The following NR3C1 variants were observed in gnomAD, a reference collection of about 807,000 sequenced individuals.
NR3C1 encodes nuclear receptor subfamily 3 group C member 1, also known as glucocorticoid receptor.
A neutral mutation model predicts 74.0 loss-of-function variants in NR3C1; 14 were observed. The observed-to-expected ratio is 0.19, with a 90% CI of 0.12 to 0.30. The LOEUF is 0.30. NR3C1 is among the 10% of genes least tolerant of loss of function. The pLI is 1.00. For synonymous variants in NR3C1, 308 were observed against 332.5 expected (o/e 0.93, Z 0.80); for missense variants, 695 against 909.8 (o/e 0.76, Z 3.04).
intron 7 of NR3C1, among the ~76,000 whole-genome samples, chr5:143,290,764 C>T (rs1431333770): frequency 6.6e-6 from 1 of 151,842 alleles, no homozygotes; most frequent in African/African-American, 2.4e-5. Flanking sequence ...GGGGTTTCGC[C>T]ATGTTGGTCA....
chr5:143,331,069 G>GTTTA (rs1825844305), intron 2 of NR3C1, among the ~76,000 whole-genome samples: 2 of 152,182 alleles, frequency 1.3e-5, no homozygotes, highest in South Asian at 2.1e-4. Context: ...CAAGGCTAAA[G>GTTTA]TAACCAAAAC....
intron 2 of NR3C1, among the ~76,000 whole-genome samples, chr5:143,319,864 T>C (rs1050867929): frequency 2.0e-5 from 3 of 150,392 alleles, no homozygotes; most frequent in African/African-American, 7.3e-5. Context: ...ATGCAACAAC[T>C]GCACTACTGA....
chr5:143,361,499 T>TA (rs1291771204), intron 2 of NR3C1, among the ~76,000 whole-genome samples: 1 of 152,238 alleles, frequency 6.6e-6, no homozygotes, highest in East Asian at 1.9e-4. Context: ...ATAAGATGTG[T>TA]AATGCAAGCC....
chr5:143,376,623 A>C (rs1308182168), intron 2 of NR3C1, among the ~76,000 whole-genome samples: 3 of 152,176 alleles, frequency 2.0e-5, no homozygotes, highest in African/African-American at 7.2e-5. Flanking sequence ...ATTTATTGGC[A>C]TATTTGTTGT....
chr5:143,406,305 C>T (rs1307980405), upstream of NR3C1, among the ~76,000 whole-genome samples: 1 of 151,364 alleles, frequency 6.6e-6, no homozygotes, highest in Non-Finnish European at 1.5e-5. Flanking sequence ...TATGATTTCA[C>T]AAGAGTTCCC....
chr5:143,369,838 T>A (rs1038272515), intron 2 of NR3C1, among the ~76,000 whole-genome samples: 2 of 152,154 alleles, frequency 1.3e-5, no homozygotes, highest in African/African-American at 4.8e-5. Flanking sequence ...AGAAAATAAA[T>A]TAATATCATT....
At chr5:143,398,926 A>G (rs911745229) in intron 2 of NR3C1, among the ~76,000 whole-genome samples, 1 of 152,224 alleles carries the variant, frequency 6.6e-6, no homozygotes, top group Non-Finnish European at 1.5e-5. Context: ...GCCATCAGTT[A>G]TCTACTTGAG....
chr5:143,403,092 C>CCA, intron 1 of NR3C1, 119 bp downstream of exon 1: 1 of 812,502 alleles, frequency 1.2e-6, no homozygotes, highest in Non-Finnish European at 1.5e-6. Flanking sequence ...CCCCCACCCC[C>CCA]ACTCCCCGAG....
chr5:143,311,162 G>C lies in NR3C1; in HGVS notation c.1352-949C>G, dbSNP rs118064790. ...ATATCCTAGCTTCTTTACTTGGACA[G>C]AAAATGGAAGCACTAACCCAATTCT... On this transcript the variant is annotated intron_variant, in intron 3 of 8. Coordinates refer to ENST00000394464, the MANE Select transcript of NR3C1 (RefSeq NM_000176.3). Among the ~76,000 whole-genome samples, 155 of 152,274 alleles carry C rather than the reference G, an allele frequency of 1.0e-3. 3 individuals are homozygous for C. In the East Asian group the frequency reaches 0.022, roughly 22 times the overall value.
At chr5:143,421,716 C>T (rs1408160124) in intron 1 of NR3C1, among the ~76,000 whole-genome samples, 2 of 151,874 alleles carry the variant, frequency 1.3e-5, no homozygotes, top group Non-Finnish European at 1.5e-5. Context: ...CACTTGACCC[C>T]AGGAGGCAGA....
intron 2 of NR3C1, among the ~76,000 whole-genome samples, chr5:143,392,590 C>T (rs910127214): frequency 6.6e-6 from 1 of 151,932 alleles, no homozygotes; most frequent in African/African-American, 2.4e-5. Flanking sequence ...ATAACAGCTG[C>T]CTTCTGTGCT....
At chr5:143,360,568 G>T (rs921051204) in intron 2 of NR3C1, among the ~76,000 whole-genome samples, 1 of 152,176 alleles carries the variant, frequency 6.6e-6, no homozygotes, top group African/African-American at 2.4e-5. Flanking sequence ...TTTGTTTGCT[G>T]ATTAACTTAA....
intron 4 of NR3C1, among the ~76,000 whole-genome samples, chr5:143,308,177 T>C (rs72801054): frequency 0.11 from 16,052 of 152,156 alleles, 1,142 homozygotes; most frequent in Non-Finnish European, 0.16. Flanking sequence ...AAGAACCACA[T>C]AGGTCAGTTG....
chr5:143,418,399 C>G (rs992220928), intron 1 of NR3C1, among the ~76,000 whole-genome samples: 1 of 152,150 alleles, frequency 6.6e-6, no homozygotes, highest in African/African-American at 2.4e-5. Flanking sequence ...TTACTTTTCC[C>G]CTTTTGGACT....
chr5:143,424,301 G>A (rs1300686191), intron 1 of NR3C1, among the ~76,000 whole-genome samples: 3 of 152,094 alleles, frequency 2.0e-5, no homozygotes, highest in African/African-American at 7.2e-5. Flanking sequence ...CTAGTGTTCA[G>A]TAGACAACAG....
At chr5:143,423,579 T>C (rs777152786) in intron 1 of NR3C1, among the ~76,000 whole-genome samples, 2 of 152,074 alleles carry the variant, frequency 1.3e-5, no homozygotes, top group Non-Finnish European at 2.9e-5. Context: ...AAAATAGAGC[T>C]ACCATATTAC....
chr5:143,420,653 TG>T (rs1279816988), intron 1 of NR3C1, among the ~76,000 whole-genome samples: 2 of 152,158 alleles, frequency 1.3e-5, no homozygotes, highest in Non-Finnish European at 1.5e-5. Context: ...TGGCATCTAG[TG>T]GGTAGAAGCC....
At chr5:143,327,078 CTA>C (rs1379915489) in intron 2 of NR3C1, among the ~76,000 whole-genome samples, 1 of 152,168 alleles carries the variant, frequency 6.6e-6, no homozygotes, top group East Asian at 1.9e-4. Flanking sequence ...TCTGACACTG[CTA>C]TAAAGATACT....
chr5:143,327,893 G>A (rs912459277), intron 2 of NR3C1, among the ~76,000 whole-genome samples: 9 of 152,180 alleles, frequency 5.9e-5, no homozygotes, highest in African/African-American at 1.4e-4. Flanking sequence ...GCAAACTGTC[G>A]GTGAATCTAC....
Sources: allele counts gnomAD v4.1 joint callset (sites outside exome capture counted in the v4.1 genomes callset), GRCh38; gene constraint gnomAD v4.1.1; transcripts MANE v1.5; gene names NCBI Gene and HGNC (gene_info 2026-07-23, HGNC 2026-07-21).